ZC3H12B: variants seen among roughly 807,000 people sequenced by gnomAD.
The protein encoded by ZC3H12B is zinc finger CCCH-type containing 12B.
ZC3H12B carries 7 observed loss-of-function variants against 43.9 expected under a neutral mutation model. The observed-to-expected ratio is 0.16, with a 90% CI of 0.09 to 0.30. The LOEUF (loss-of-function observed/expected upper bound fraction) is 0.30. Ranked by LOEUF, ZC3H12B falls within the 10% of genes least tolerant of loss-of-function variation. The pLI is 1.00. For synonymous variants in ZC3H12B, 222 were observed against 241.7 expected, an observed-to-expected ratio of 0.92 and a Z score of 0.76; for missense variants, 475 against 670.2, an observed-to-expected ratio of 0.71 and a Z score of 3.22.
chrX:65,400,190 G>A (rs1020335703), intron 3 of ZC3H12B, among the ~76,000 whole-genome samples: 1 of 111,532 alleles, frequency 9.0e-6, no homozygotes, highest in Non-Finnish European at 1.9e-5. Context: ...AAATACCAAA[G>A]CATCAATCGA....
the ZC3H12B span, among the ~76,000 whole-genome samples, chrX:65,202,152 A>G: frequency 1.0e-5 from 1 of 98,223 alleles, no homozygotes; most frequent in Non-Finnish European, 2.0e-5. Context: ...AATATGAAAT[A>G]TATATTATAT....
chrX:65,324,795 G>A, the ZC3H12B span, among the ~76,000 whole-genome samples: 2 of 110,449 alleles, frequency 1.8e-5, no homozygotes, highest in Non-Finnish European at 3.8e-5. Flanking sequence ...ACTATTCTCT[G>A]TATGTCTTTT....
At chrX:65,423,905 T>A (rs1033700148) in intron 3 of ZC3H12B, among the ~76,000 whole-genome samples, 2 of 112,053 alleles carry the variant, frequency 1.8e-5, no homozygotes, top group African/African-American at 6.5e-5. Context: ...GCTTTTCGGG[T>A]TTTGTCATGA....
chrX:65,298,712 T>C, the ZC3H12B span, among the ~76,000 whole-genome samples: 1 of 111,942 alleles, frequency 8.9e-6, no homozygotes, highest in Non-Finnish European at 1.9e-5. Context: ...TGTTGACTGG[T>C]GTATTAGTCA....
chrX:65,196,071 C>T, the ZC3H12B span, among the ~76,000 whole-genome samples: 4 of 111,052 alleles, frequency 3.6e-5, no homozygotes, highest in East Asian at 2.8e-4. Flanking sequence ...TGTGTGTCAG[C>T]GGACTTTACT....
At chrX:65,182,319 G>A in the ZC3H12B span, among the ~76,000 whole-genome samples, 2 of 111,014 alleles carry the variant, frequency 1.8e-5, no homozygotes, top group Non-Finnish European at 3.8e-5. Context: ...TTAAAACCTA[G>A]ATGATGGGTT....
the ZC3H12B span, among the ~76,000 whole-genome samples, chrX:65,284,237 G>GACAC: frequency 1.0e-3 from 88 of 87,070 alleles, no homozygotes; most frequent in African/African-American, 4.0e-3. Flanking sequence ...TCAATGTAAG[G>GACAC]ACACACACAC....
At chrX:65,344,845 A>T in the ZC3H12B span, among the ~76,000 whole-genome samples, 6 of 112,560 alleles carry the variant, frequency 5.3e-5, no homozygotes, top group African/African-American at 1.6e-4. Flanking sequence ...AGAATCTATC[A>T]GAAACATAAA....
At chrX:65,356,996 T>C in the ZC3H12B span, 3 of 507,324 alleles carry the variant, frequency 5.9e-6, no homozygotes, top group African/African-American at 7.0e-5. Context: ...TCATGGTGTA[T>C]AAAATGGATG....
chrX:65,257,621 TA>T, the ZC3H12B span, among the ~76,000 whole-genome samples: 268 of 107,448 alleles, frequency 2.5e-3, 1 homozygote, highest in African/African-American at 7.4e-3. Context: ...AGAGAACCTT[TA>T]AAAAAAAATA....
the ZC3H12B span, among the ~76,000 whole-genome samples, chrX:65,355,212 C>T: frequency 9.0e-6 from 1 of 111,217 alleles, no homozygotes; most frequent in African/African-American, 3.3e-5. Context: ...CAGCCAGAGA[C>T]AAAGGTTGGG....
the ZC3H12B span, among the ~76,000 whole-genome samples, chrX:65,177,599 A>G: frequency 2.7e-5 from 3 of 112,404 alleles, no homozygotes. Flanking sequence ...TACAAAATCA[A>G]TGTGCAAAAA....
Position 65,488,737 on chromosome X carries a change from T to G in ZC3H12B, c.-65T>G. 2 of 1,091,411 alleles carry G rather than the reference T, an allele frequency of 1.8e-6. No homozygotes were observed. Among genetic ancestry groups the G allele is most frequent in the Non-Finnish European group, 2.4e-6 (2 of 837,075 alleles). The allele number at this position is 1,091,411 out of a possible 1,213,427, so 89.9% of individuals were successfully genotyped here. ...TTTACTACAAAAGAATGCCACTGCA[T>G]GTGGATTCCAAGCAGGCTAAAAAGA... is the stretch of plus-strand genomic sequence containing the variant. On this transcript the variant is annotated 5_prime_UTR_variant, in exon 1 of 5. It removes an upstream start codon present in the reference 5' UTR. Coordinates refer to ENST00000338957, the Ensembl canonical transcript of ZC3H12B.
chrX:65,437,198 G>A (rs199551653), intron 3 of ZC3H12B, among the ~76,000 whole-genome samples: 118 of 110,367 alleles, frequency 1.1e-3, no homozygotes, highest in East Asian at 6.3e-3. Flanking sequence ...GTGATCCACC[G>A]GCCTCGGCCT....
intron 3 of ZC3H12B, chrX:65,408,607 T>C: frequency 8.9e-7 from 1 of 1,125,677 alleles, no homozygotes; most frequent in Non-Finnish European, 1.2e-6. Context: ...GTGGGCAATC[T>C]CACTTGGCAA....
At chrX:65,177,634 A>G in the ZC3H12B span, among the ~76,000 whole-genome samples, 26 of 112,026 alleles carry the variant, frequency 2.3e-4, no homozygotes, top group Non-Finnish European at 4.7e-4. Flanking sequence ...ATACACCAGT[A>G]ATAGACAAAT....
chrX:65,435,777 A>G (rs1291270156), intron 3 of ZC3H12B, among the ~76,000 whole-genome samples: 1 of 111,691 alleles, frequency 9.0e-6, no homozygotes, highest in Non-Finnish European at 1.9e-5. Context: ...GTTCCACAGT[A>G]TACTGTATGT....
chrX:65,417,009 A>AT (rs1254170940), intron 3 of ZC3H12B, among the ~76,000 whole-genome samples: 1 of 111,792 alleles, frequency 8.9e-6, no homozygotes, highest in Non-Finnish European at 1.9e-5. Context: ...AAGAGCCTTG[A>AT]TTTTTTAACC....
the ZC3H12B span, among the ~76,000 whole-genome samples, chrX:65,354,600 C>T: frequency 2.7e-5 from 3 of 111,343 alleles, no homozygotes; most frequent in East Asian, 2.8e-4. Context: ...CAAAACTGGA[C>T]GGAGAATGAG....
Sources: allele counts gnomAD v4.1 joint callset (sites outside exome capture counted in the v4.1 genomes callset), GRCh38; gene constraint gnomAD v4.1.1; transcripts MANE v1.5; gene names NCBI Gene and HGNC (gene_info 2026-07-23, HGNC 2026-07-21).